Variants in TULP4 observed in about 807,000 individuals in gnomAD.
TULP4 encodes tubby-related protein 4.
A neutral mutation model predicts 129.0 loss-of-function variants in TULP4; 16 were observed. The observed-to-expected ratio is 0.12, with a 90% CI of 0.08 to 0.19. The LOEUF is 0.19. TULP4 is among the 10% of genes least tolerant of loss of function. TULP4 has a pLI of 1.00. For synonymous variants in TULP4, 998 were observed against 854.0 expected (o/e 1.17, Z -2.94); for missense variants, 1,842 against 2,059.1 (o/e 0.89, Z 2.04).
chr6:158,292,997 A>C (rs571531161), intron 1 of TULP4, among the ~76,000 whole-genome samples: 3 of 152,246 alleles, frequency 2.0e-5, no homozygotes, highest in East Asian at 3.9e-4. Flanking sequence ...GTGAGCCCCA[A>C]TATGGTACCA....
At chr6:158,268,635 T>C (rs192354009) in intron 1 of TULP4, among the ~76,000 whole-genome samples, 4 of 152,272 alleles carry the variant, frequency 2.6e-5, no homozygotes, top group Non-Finnish European at 5.9e-5. Context: ...GGTTCCAACA[T>C]AGGAATTTTG....
At chr6:158,430,511 G>C (rs1778604918) in intron 3 of TULP4, among the ~76,000 whole-genome samples, 1 of 152,200 alleles carries the variant, frequency 6.6e-6, no homozygotes, top group Non-Finnish European at 1.5e-5. Flanking sequence ...GGGAGGTGGA[G>C]GCGGGTGGAT....
At chr6:158,389,097 C>T (rs1365276280) in intron 1 of TULP4, among the ~76,000 whole-genome samples, 1 of 152,190 alleles carries the variant, frequency 6.6e-6, no homozygotes, top group Non-Finnish European at 1.5e-5. Flanking sequence ...ATAATTTTGC[C>T]AGGTATATGT....
At chr6:158,426,967 A>G (rs1778508842) in intron 2 of TULP4, among the ~76,000 whole-genome samples, 2 of 151,900 alleles carry the variant, frequency 1.3e-5, no homozygotes, top group South Asian at 4.2e-4. Flanking sequence ...TAGGCATTTT[A>G]TTCTTTTTGT....
At chr6:158,438,030 T>C (rs1399889392) in intron 3 of TULP4, 1 of 152,016 alleles carries the variant, frequency 6.6e-6, no homozygotes, top group African/African-American at 2.4e-5. Context: ...AGGAGTGGGA[T>C]TGCACCTGTG....
chr6:158,298,838 A>G (rs1223336279), intron 1 of TULP4, among the ~76,000 whole-genome samples: 1 of 152,166 alleles, frequency 6.6e-6, no homozygotes, highest in Non-Finnish European at 1.5e-5. Context: ...CTGCGCCACA[A>G]AGAAGCAATC....
chr6:158,297,619 A>G (rs569831672), intron 1 of TULP4, among the ~76,000 whole-genome samples: 3 of 152,302 alleles, frequency 2.0e-5, no homozygotes, highest in East Asian at 1.9e-4. Context: ...AATTTTAGGA[A>G]CTGATATATG....
rs1777096764 is a variant in TULP4, at chr6:158,372,534, A to G, written c.253-40531A>G. ...TAAATTGAATTAAATATCAATTTCT[A>G]TTTTAAGAATTTGAGTAGTGTGAGA... On this transcript the variant is annotated intron_variant, in intron 1 of 13. Coordinates refer to ENST00000367097, the MANE Select transcript of TULP4 (RefSeq NM_020245.5). Among the ~76,000 whole-genome samples, 7 of 152,314 alleles carry G rather than the reference A, an allele frequency of 4.6e-5. No homozygotes were observed. In the South Asian group the frequency reaches 1.2e-3, roughly 27 times the overall value.
At chr6:158,340,026 C>T (rs150508196) in intron 1 of TULP4, among the ~76,000 whole-genome samples, 221 of 152,300 alleles carry the variant, frequency 1.5e-3, no homozygotes, top group African/African-American at 1.9e-3. Flanking sequence ...CGCAACAGGC[C>T]GTGGAGCTCA....
At chr6:158,490,471 C>T (rs575027161) in intron 9 of TULP4, among the ~76,000 whole-genome samples, 1 of 152,172 alleles carries the variant, frequency 6.6e-6, no homozygotes, top group Non-Finnish European at 1.5e-5. Flanking sequence ...CACTGTAGAA[C>T]CTTTTTCTTC....
At position 158,502,228 on chromosome 6, in the gene TULP4, G is replaced by A. The variant is rs376206864; in HGVS notation, c.2565G>A (p.Pro855=). The stretch of plus-strand genomic sequence containing the variant: ...CAGCAGCACCCCCGCCCCCTCTGCC[G>A]CCCCCACAGCCCCCAGTGGATGTGT... ...PTTAAPPPPL[P]PPQPPVDVCL... Residue 855 remains proline, a synonymous_variant, in exon 13 of 14, where the codon CCG becomes CCA. Transcript: ENST00000367097. 91 of 371,276 alleles carry A rather than the reference G, an allele frequency of 2.5e-4. No individual in the cohort carries two copies. Among genetic ancestry groups the A allele is most frequent in the Non-Finnish European group, 3.2e-4 (85 of 269,252 alleles). 23.0% of individuals were successfully genotyped at this position (371,276 alleles called of 1,614,324 possible).
intron 6 of TULP4, among the ~76,000 whole-genome samples, chr6:158,462,704 A>G (rs1779460252): frequency 1.3e-5 from 2 of 150,476 alleles, no homozygotes; most frequent in African/African-American, 4.9e-5. Context: ...TTTCTCTTAC[A>G]AAAGGGTAAC....
chr6:158,367,827 G>C (rs1776959850), intron 1 of TULP4, among the ~76,000 whole-genome samples: 1 of 151,418 alleles, frequency 6.6e-6, no homozygotes, highest in Non-Finnish European at 1.5e-5. Flanking sequence ...GATCACTGAA[G>C]TTCTGGGTTT....
intron 1 of TULP4, among the ~76,000 whole-genome samples, chr6:158,331,724 C>CTGT (rs1461352017): frequency 1.5e-4 from 4 of 26,616 alleles, no homozygotes; most frequent in East Asian, 1.2e-3. Context: ...CACACACACA[C>CTGT]ACACATACGT....
chr6:158,388,322 CTTTTTTT>C (rs10650311), intron 1 of TULP4, among the ~76,000 whole-genome samples: 19 of 86,258 alleles, frequency 2.2e-4, no homozygotes, highest in East Asian at 1.3e-3. Flanking sequence ...GCTCGTTTTT[CTTTTTTT>C]TTTTTTTTTT....
chr6:158,296,328 G>A (rs1332365014), intron 1 of TULP4, among the ~76,000 whole-genome samples: 1 of 151,710 alleles, frequency 6.6e-6, no homozygotes, highest in African/African-American at 2.4e-5. Flanking sequence ...TTCCATAAGT[G>A]TCGGCCAGCT....
At chr6:158,401,834 T>C (rs1055286120) in intron 1 of TULP4, among the ~76,000 whole-genome samples, 3 of 152,032 alleles carry the variant, frequency 2.0e-5, no homozygotes, top group Non-Finnish European at 4.4e-5. Flanking sequence ...TTAAAAAATA[T>C]ATAGGACTTC....
At chr6:158,326,152 G>C (rs767394660) in intron 1 of TULP4, among the ~76,000 whole-genome samples, 21 of 152,120 alleles carry the variant, frequency 1.4e-4, no homozygotes, top group South Asian at 2.1e-4. Context: ...ATTCCCAGAT[G>C]AGCCAAGTAG....
In TULP4 at chr6:158,358,212, A is replaced by T. The variant is rs1562533588; in HGVS notation, c.252+43944A>T. 4.6e-5 allele frequency among the ~76,000 whole-genome samples: 7 copies of T among 152,344 alleles called. No homozygotes were observed. In the South Asian group the frequency reaches 1.4e-3, roughly 32 times the overall value. ...GGGGTGCAAGTGGAAGGAGGGAGAG[A>T]GTCCTTGGACCTGAGAACCTCTGAG... On this transcript the variant is annotated intron_variant, in intron 1 of 13. Coordinates refer to ENST00000367097, the MANE Select transcript of TULP4 (RefSeq NM_020245.5).
Sources: gnomAD v4.1 joint callset for allele counts (sites outside exome capture counted in the v4.1 genomes callset) on GRCh38, gnomAD v4.1.1 for gene constraint, MANE v1.5 for transcripts, NCBI Gene and HGNC (gene_info 2026-07-23, HGNC 2026-07-21) for gene names.